The following PEX10 variants were observed in gnomAD, a reference collection of about 807,000 sequenced individuals.
PEX10 encodes peroxisome biogenesis factor 10.
A neutral mutation model predicts 38.0 loss-of-function variants in PEX10; 32 were observed. The observed-to-expected ratio is 0.84, with a 90% CI of 0.63 to 1.13. The LOEUF (loss-of-function observed/expected upper bound fraction) is 1.13, where lower values mean the gene tolerates loss of function less well. Ranked by LOEUF, PEX10 falls within the 50% of genes most tolerant of loss-of-function variation. The pLI is 0.00. For missense variants in PEX10, 483 were observed against 457.7 expected (o/e 1.06, Z -0.51); for synonymous variants, 206 against 207.3 (o/e 0.99, Z 0.05).
rs1053779920 is a variant in PEX10, at chr1:2,409,723, C to T, written c.193+648G>A. ...CCCAAACCGCCAAGGACGTGTTCTT[C>T]TCAGGGCCTTTCCCGGCTGCTTGCT... On this transcript the variant is annotated intron_variant, in intron 2 of 5. Coordinates refer to ENST00000447513, the MANE Select transcript of PEX10 (RefSeq NM_002617.4). The surrounding 1 kb of genome is among the most constrained non-coding windows in gnomAD (Gnocchi z 6.2). 5 of 155,978 alleles carry T rather than the reference C, an allele frequency of 3.2e-5. No homozygotes were observed. The highest frequency in any genetic ancestry group is 3.1e-4 in the Admixed American group (5 of 16,106). 9.7% of individuals were successfully genotyped at this position (155,978 alleles called of 1,614,324 possible).
In PEX10 at chr1:2,410,723, G is replaced by A. The variant is rs535474070; in HGVS notation, c.113-272C>T. 1 of 555,886 alleles carries A rather than the reference G, an allele frequency of 1.8e-6. No homozygotes were observed. Among genetic ancestry groups the A allele is most frequent in the South Asian group, 1.5e-5 (1 of 65,436 alleles). 34.4% of individuals were successfully genotyped at this position (555,886 alleles called of 1,614,324 possible). Reference sequence around the variant, plus strand: ...CCTGAGCAACTGTTCTAGGGCCTATGAGGGCCACATGGAAAGATGGTCTGG... The same window carrying A: ...CCTGAGCAACTGTTCTAGGGCCTATAAGGGCCACATGGAAAGATGGTCTGG... On this transcript the variant is annotated intron_variant, in intron 1 of 5. Coordinates refer to ENST00000447513, the MANE Select transcript of PEX10 (RefSeq NM_002617.4). This position sits in a 1 kb window ranked among gnomAD's most constrained non-coding sequence, Gnocchi z 5.1.
rs1457037573 is a variant in PEX10 at position 2,410,845 on chromosome 1, C to T, written c.113-394G>A. The T allele has an allele frequency of 2.2e-6, 1 of 461,020 alleles. No individual in the cohort carries two copies. The highest frequency in any genetic ancestry group is 4.3e-6 in the Non-Finnish European group (1 of 230,246). 28.6% of individuals were successfully genotyped at this position (461,020 alleles called of 1,614,324 possible). On this transcript the variant is annotated intron_variant, in intron 1 of 5. Transcript: ENST00000447513. This position sits in a 1 kb window ranked among gnomAD's most constrained non-coding sequence, Gnocchi z 5.1. Reference sequence around the variant, plus strand: ...GGTCTTTCTGGAATCTCAATTTGCTCATCTATCAGAAGAGTAATAAGTCCT... The same window carrying T: ...GGTCTTTCTGGAATCTCAATTTGCTTATCTATCAGAAGAGTAATAAGTCCT...
intron 5 of PEX10, 23 bp from the exon 6 acceptor site, chr1:2,405,857 C>T: frequency 6.4e-7 from 1 of 1,572,322 alleles, no homozygotes; most frequent in Non-Finnish European, 8.6e-7. Flanking sequence ...GAAAGGGGGT[C>T]ACAGCAGCTG....
At position 2,405,311 on chromosome 1, in the gene PEX10, T is replaced by G. The variant is rs976509906; in HGVS notation, c.*455A>C. On this transcript the variant is annotated 3_prime_UTR_variant, in exon 6 of 6. Transcript: ENST00000447513. ...GGGCTGCTGTTCTCACTGCACTGGC[T>G]GAAGCAACCCGCCAGCCTCCGTGCC... 5.8e-5 allele frequency: 19 copies of G among 329,970 alleles called. No individual in the cohort carries two copies. The highest frequency in any genetic ancestry group is 1.0e-4 in the Non-Finnish European group (17 of 169,922). 20.4% of individuals were successfully genotyped at this position (329,970 alleles called of 1,614,324 possible).
At position 2,406,715 on chromosome 1, in the gene PEX10, C is replaced by A. The variant is rs747776170; in HGVS notation, c.776+5G>T. 3 of 1,608,864 alleles carry A rather than the reference C, an allele frequency of 1.9e-6. No homozygotes were observed. Among genetic ancestry groups the A allele is most frequent in the Middle Eastern group, 1.7e-4 (1 of 6,050 alleles). ...CCAGCCCCCATGTGTGGCCCCCGCA[C>A]GCACCTGCGGTGAGACAGGCCGCGG... On this transcript the variant is annotated splice_donor_5th_base_variant and intron_variant, in intron 4 of 5. Coordinates refer to ENST00000447513, the MANE Select transcript of PEX10 (RefSeq NM_002617.4).
Position 2,405,755 on chromosome 1 carries a change from C to A in PEX10, c.*11G>T. On this transcript the variant is annotated 3_prime_UTR_variant, in exon 6 of 6. Transcript: ENST00000447513. Reference sequence around the variant, plus strand: ...GAGGTCATCTGTGTCCAGGCCCACCCGGGCGCCGGCTCAGCGGTAGTGCCG... The same window carrying A: ...GAGGTCATCTGTGTCCAGGCCCACCAGGGCGCCGGCTCAGCGGTAGTGCCG... 6.3e-7 allele frequency: 1 copy of A among 1,594,792 alleles called. No individual in the cohort carries two copies. Among genetic ancestry groups the A allele is most frequent in the East Asian group, 2.3e-5 (1 of 43,674 alleles).
At chr1:2,407,435 G>T (rs1296261033) in intron 3 of PEX10, among the ~76,000 whole-genome samples, 4 of 152,212 alleles carry the variant, frequency 2.6e-5, no homozygotes, top group Non-Finnish European at 5.9e-5. Flanking sequence ...CAGCCAGACA[G>T]CCTCGGCCCA....
rs372779905 is a variant in PEX10 at position 2,406,499 on chromosome 1, C to T, written c.897G>A (p.Ala299=). 16 of 1,612,428 alleles carry T rather than the reference C, an allele frequency of 9.9e-6. No homozygotes were observed. The highest frequency in any genetic ancestry group is 3.3e-5 in the Admixed American group (2 of 59,996). ...CCCACCTCACCTTGCTGCTGCACCA[C>T]GCGGTGATGCACTCCCAGCAGAACA... ...GHLFCWECIT[A]WCSSKAECPL... Residue 299 remains alanine, a synonymous_variant, in exon 5 of 6, where the codon GCG becomes GCA. Coordinates refer to ENST00000447513, the MANE Select transcript of PEX10 (RefSeq NM_002617.4).
chr1:2,407,015 A>G, intron 3 of PEX10, 120 bp from the exon 4 acceptor site: 3 of 1,378,226 alleles, frequency 2.2e-6, no homozygotes, highest in Non-Finnish European at 3.0e-6. Context: ...TCTCACTGGC[A>G]TGGGGAGTGC....
intron 5 of PEX10, among the ~76,000 whole-genome samples, chr1:2,406,080 C>T (rs368695131): frequency 5.9e-5 from 9 of 152,264 alleles, no homozygotes; most frequent in African/African-American, 1.7e-4. Flanking sequence ...CTCCTGCTCC[C>T]GCAGCTGACA....
rs765256675 is a variant in PEX10, at chr1:2,408,753, G to T, written c.299C>A (p.Ala100Asp). 6.2e-7 allele frequency: 1 copy of T among 1,613,946 alleles called. No homozygotes were observed. Among genetic ancestry groups the T allele is most frequent in the Admixed American group, 1.7e-5 (1 of 60,016 alleles). ...LRRGVLVTLH[A>D]VLPYLLDKAL... Reference sequence around the variant, plus strand: ...CTTGTCCAGCAGGTAGGGCAGGACGGCATGCAGTGTCACCAGCACGCCACG... The same window carrying T: ...CTTGTCCAGCAGGTAGGGCAGGACGTCATGCAGTGTCACCAGCACGCCACG... The change falls in exon 3 of 6, where the codon GCC becomes GAC. Residue 100 changes from alanine (A) to aspartate (D), a missense_variant. Transcript: ENST00000447513.
chr1:2,408,625 G>A lies in PEX10; in HGVS notation c.427C>T (p.Arg143Cys), dbSNP rs199667764. 2.0e-5 allele frequency: 33 copies of A among 1,610,640 alleles called. No homozygotes were observed. The Admixed American group carries it at 4.2e-4, about 20-fold the overall frequency. The change falls in exon 3 of 6, where the codon CGC becomes TGC. Residue 143 changes from arginine to cysteine, a missense_variant. Coordinates refer to ENST00000447513, the MANE Select transcript of PEX10 (RefSeq NM_002617.4). ...PGGRGCSGAR[R>C]WMRHHTATLT... ...GTGGCCGTGTGGTGACGCATCCAGCGCCGCGCCCCTGAGCAGCCACGCCCA... is the reference window on the plus strand; with the variant it reads ...GTGGCCGTGTGGTGACGCATCCAGCACCGCGCCCCTGAGCAGCCACGCCCA...
intron 1 of PEX10, among the ~76,000 whole-genome samples, chr1:2,411,293 T>C (rs1405581877): frequency 1.4e-5 from 2 of 144,744 alleles, no homozygotes. Context: ...TGGAGTGCAG[T>C]GGCACGATCT....
Position 2,408,700 on chromosome 1 carries a change from G to A in PEX10, c.352C>T (p.Gln118Ter), listed in dbSNP as rs369965266. The change falls in exon 3 of 6, where the codon CAG (glutamine) becomes TAG (stop). Residue 118 changes from glutamine to a stop codon, truncating the protein, a stop_gained. Coordinates refer to ENST00000447513, the MANE Select transcript of PEX10 (RefSeq NM_002617.4). LOFTEE classifies it high-confidence loss of function. ...KALLPLEQEL[Q>*]ADPDSGRPLQ... Reference sequence around the variant, plus strand: ...GGTCGCCCACTGTCGGGGTCAGCCTGCAGCTCCTGCTCCAGGGGGAGCAGG... The same window carrying A: ...GGTCGCCCACTGTCGGGGTCAGCCTACAGCTCCTGCTCCAGGGGGAGCAGG... The A allele has an allele frequency of 1.2e-6, 2 of 1,613,426 alleles. No homozygotes were observed. Among genetic ancestry groups the A allele is most frequent in the Non-Finnish European group, 1.7e-6 (2 of 1,179,796 alleles).
chr1:2,407,177 G>C (rs1643038739), intron 3 of PEX10, among the ~76,000 whole-genome samples: 1 of 152,244 alleles, frequency 6.6e-6, no homozygotes, highest in African/African-American at 2.4e-5. Flanking sequence ...GAGCAGGTGA[G>C]GATGTGGGGA....
chr1:2,404,801 G>A lies in PEX10; in HGVS notation c.*965C>T, dbSNP rs1430317534. Reference sequence around the variant, plus strand: ...CAGGAAATCTCAAGTTCCATCTTGTGTTAGTAACGTACCCACATTTTGCTG... The same window carrying A: ...CAGGAAATCTCAAGTTCCATCTTGTATTAGTAACGTACCCACATTTTGCTG... On this transcript the variant is annotated 3_prime_UTR_variant, in exon 6 of 6. Coordinates refer to ENST00000447513, the MANE Select transcript of PEX10 (RefSeq NM_002617.4). The A allele has an allele frequency of 6.6e-6, 1 of 152,456 alleles. No homozygotes were observed. The highest frequency in any genetic ancestry group is 1.5e-5 in the Non-Finnish European group (1 of 68,056). The allele number at this position is 152,456 out of a possible 1,614,324, so 9.4% of individuals were successfully genotyped here. A position where few individuals can be genotyped will look rare whatever the true frequency, so the allele number is the denominator to read the frequency against.
At position 2,410,857 on chromosome 1, in the gene PEX10, G is replaced by C; in HGVS notation, c.113-406C>G. 1 of 459,436 alleles carries C rather than the reference G, an allele frequency of 2.2e-6. No individual in the cohort carries two copies. The allele number at this position is 459,436 out of a possible 1,614,324, so 28.5% of individuals were successfully genotyped here. The stretch of plus-strand genomic sequence containing the variant: ...ATCTCAATTTGCTCATCTATCAGAA[G>C]AGTAATAAGTCCTACTTGGAGGGAT... On this transcript the variant is annotated intron_variant, in intron 1 of 5. Coordinates refer to ENST00000447513, the MANE Select transcript of PEX10 (RefSeq NM_002617.4). The surrounding 1 kb of genome is among the most constrained non-coding windows in gnomAD (Gnocchi z 5.1).
Position 2,412,279 on chromosome 1 carries a change from T to C in PEX10, c.112+112A>G, listed in dbSNP as rs1173256592. 9 of 1,245,026 alleles carry C rather than the reference T, an allele frequency of 7.2e-6. No individual in the cohort carries two copies. In the African/African-American group the frequency reaches 1.3e-4, roughly 17 times the overall value. 77.1% of individuals were successfully genotyped at this position (1,245,026 alleles called of 1,614,324 possible). A position where few individuals can be genotyped will look rare whatever the true frequency, so the allele number is the denominator to read the frequency against. ...GCGAAGGAGACTGCCGGGTCCCAGG[T>C]TGTGGGACGGGCCCAGGCGACCGTG... On this transcript the variant is annotated intron_variant, in intron 1 of 5. Coordinates refer to ENST00000447513, the MANE Select transcript of PEX10 (RefSeq NM_002617.4).
At position 2,406,529 on chromosome 1, in the gene PEX10, G is replaced by A. The variant is rs1189215652; in HGVS notation, c.867C>T (p.Gly289=). 1.9e-6 allele frequency: 3 copies of A among 1,613,214 alleles called. No individual in the cohort carries two copies. The highest frequency in any genetic ancestry group is 2.5e-6 in the Non-Finnish European group (3 of 1,179,984). Residue 289 remains glycine (G), a synonymous_variant, in exon 5 of 6, where the codon GGC becomes GGT. Transcript: ENST00000447513. ...TGATGCACTCCCAGCAGAACAGGTGGCCGCAGGGCGTGGCTGTTGGGTGCC... is the reference window on the plus strand; with the variant it reads ...TGATGCACTCCCAGCAGAACAGGTGACCGCAGGGCGTGGCTGTTGGGTGCC... ...ERRHPTATPC[G]HLFCWECITA...
Sources: gnomAD v4.1 joint callset for allele counts (sites outside exome capture counted in the v4.1 genomes callset) on GRCh38, gnomAD v4.1.1 for gene constraint, Gnocchi (gnomAD v3.1) non-coding constraint, MANE v1.5 for transcripts, NCBI Gene and HGNC (gene_info 2026-07-23, HGNC 2026-07-21) for gene names.